Variants in OCM observed in about 807,000 individuals in gnomAD.
OCM encodes oncomodulin-1.
A neutral mutation model predicts 14.1 loss-of-function variants in OCM; 18 were observed. The ratio of observed to expected loss-of-function variants is 1.28; its 90% confidence interval spans 0.88 to 1.89. The LOEUF (loss-of-function observed/expected upper bound fraction) is 1.89. OCM is among the 40% of genes most tolerant of loss of function. OCM has a pLI of 0.00. For missense variants in OCM, 140 were observed against 137.6 expected (o/e 1.02, Z -0.09); for synonymous variants, 48 against 51.0 (o/e 0.94, Z 0.25).
the OCM span, among the ~76,000 whole-genome samples, chr7:5,869,383 A>G: frequency 6.6e-6 from 1 of 152,050 alleles, no homozygotes. Flanking sequence ...GGATCACTTG[A>G]GGTCAGGAGG....
the OCM span, among the ~76,000 whole-genome samples, chr7:5,874,796 G>A: frequency 1.3e-4 from 19 of 151,922 alleles, no homozygotes; most frequent in Non-Finnish European, 1.9e-4. Context: ...GTGCACCGCC[G>A]CACCCAACCC....
chr7:5,878,641 G>A (rs1166847226), upstream of OCM, among the ~76,000 whole-genome samples: 1 of 151,548 alleles, frequency 6.6e-6, no homozygotes, highest in Non-Finnish European at 1.5e-5. Context: ...CAGCTGCTCA[G>A]GAGGCTGAGG....
chr7:5,866,005 G>A, the OCM span, among the ~76,000 whole-genome samples: 1 of 151,996 alleles, frequency 6.6e-6, no homozygotes, highest in Non-Finnish European at 1.5e-5. Flanking sequence ...TTCATGAATA[G>A]CATAGGTATT....
At chr7:5,868,249 C>T in the OCM span, among the ~76,000 whole-genome samples, 3 of 152,014 alleles carry the variant, frequency 2.0e-5, no homozygotes, top group Non-Finnish European at 2.9e-5. Flanking sequence ...TGGGCTCAAG[C>T]GATTCTCCTG....
chr7:5,870,877 G>A, the OCM span, among the ~76,000 whole-genome samples: 275 of 147,548 alleles, frequency 1.9e-3, no homozygotes, highest in South Asian at 4.9e-3. Flanking sequence ...TAAATATCAC[G>A]CTAATTGATG....
At chr7:5,879,482 C>A (rs192384919), upstream of OCM, among the ~76,000 whole-genome samples, 1 of 152,208 alleles carries the variant, frequency 6.6e-6, no homozygotes, top group African/African-American at 2.4e-5. Flanking sequence ...GCCTTACACA[C>A]CCATAGTTCC....
the OCM span, among the ~76,000 whole-genome samples, chr7:5,873,391 T>TTTAA: frequency 6.6e-6 from 1 of 152,114 alleles, no homozygotes; most frequent in Non-Finnish European, 1.5e-5. Flanking sequence ...AAAAATTTTT[T>TTTAA]TTTAATTTAA....
Position 5,886,182 on chromosome 7 carries a change from C to G in OCM, c.*93C>G. 3 of 1,338,786 alleles carry G rather than the reference C, an allele frequency of 2.2e-6. No individual in the cohort carries two copies. The highest frequency in any genetic ancestry group is 3.2e-6 in the Non-Finnish European group (3 of 947,958). The allele number at this position is 1,338,786 out of a possible 1,614,324, so 82.9% of individuals were successfully genotyped here. A position where few individuals can be genotyped will look rare whatever the true frequency, so the allele number is the denominator to read the frequency against. Reference sequence around the variant, plus strand: ...TGGGGAACCCCACATCCCATCCCTACCTAATTTGTTAATTTTCCCTGAAAA... The same window carrying G: ...TGGGGAACCCCACATCCCATCCCTAGCTAATTTGTTAATTTTCCCTGAAAA... On this transcript the variant is annotated 3_prime_UTR_variant, in exon 4 of 4. Coordinates refer to ENST00000242104, the MANE Select transcript of OCM (RefSeq NM_001097622.2).
At chr7:5,874,618 C>T in the OCM span, among the ~76,000 whole-genome samples, 2 of 152,036 alleles carry the variant, frequency 1.3e-5, no homozygotes, top group Non-Finnish European at 1.5e-5. Context: ...GATCCTCCCA[C>T]CTCAGCCTCC....
the OCM span, among the ~76,000 whole-genome samples, chr7:5,863,964 G>A: frequency 6.6e-6 from 1 of 152,080 alleles, no homozygotes; most frequent in Non-Finnish European, 1.5e-5. Flanking sequence ...TAAGGAGAAG[G>A]CAAGGTCATC....
chr7:5,884,955 T>C (rs367671765), intron 3 of OCM, among the ~76,000 whole-genome samples: 72 of 151,884 alleles, frequency 4.7e-4, no homozygotes, highest in African/African-American at 1.7e-3. Context: ...CCCATCTCTA[T>C]TGAAAATATA....
At chr7:5,879,351 G>A (rs145065235), upstream of OCM, among the ~76,000 whole-genome samples, 35 of 152,244 alleles carry the variant, frequency 2.3e-4, 1 homozygote, top group East Asian at 6.4e-3. Flanking sequence ...GCTGGGAAAC[G>A]TCAAAGTCAA....
upstream of OCM, among the ~76,000 whole-genome samples, chr7:5,876,967 G>A (rs1445196005): frequency 2.0e-5 from 3 of 152,080 alleles, no homozygotes; most frequent in Non-Finnish European, 4.4e-5. Context: ...CACCATGCTC[G>A]GCTAATTTTA....
chr7:5,867,120 AGTTT>A, the OCM span, among the ~76,000 whole-genome samples: 3 of 152,112 alleles, frequency 2.0e-5, no homozygotes, highest in African/African-American at 4.8e-5. Flanking sequence ...CATCCACAAT[AGTTT>A]GTTTGTTCAT....
At chr7:5,860,682 G>A in the OCM span, among the ~76,000 whole-genome samples, 3 of 95,404 alleles carry the variant, frequency 3.1e-5, 1 homozygote, top group Non-Finnish European at 5.9e-5. Flanking sequence ...GTATATATAC[G>A]TGTGTATATA....
chr7:5,876,821 T>C (rs78791716), upstream of OCM, among the ~76,000 whole-genome samples: 3 of 151,994 alleles, frequency 2.0e-5, no homozygotes, highest in East Asian at 1.9e-4. Flanking sequence ...TTTTTTTTTT[T>C]TGAGATGGAG....
At chr7:5,884,228 T>C (rs560408813) in intron 3 of OCM, among the ~76,000 whole-genome samples, 2 of 152,252 alleles carry the variant, frequency 1.3e-5, no homozygotes, top group African/African-American at 4.8e-5. Flanking sequence ...CACTGGTCAT[T>C]GTCTATGAGC....
the OCM span, among the ~76,000 whole-genome samples, chr7:5,874,442 C>T: frequency 5.9e-5 from 9 of 151,962 alleles, no homozygotes; most frequent in Non-Finnish European, 1.0e-4. Context: ...CAACATATGT[C>T]AGATGCATAG....
rs1781337742 is a variant in OCM, at chr7:5,886,329, C to G, written c.*240C>G. On this transcript the variant is annotated 3_prime_UTR_variant, in exon 4 of 4. Transcript: ENST00000242104. ...CCCCTTCCCCCAACAGGCAATGCCTCTAAAAATCACCCAATAAAGACAGGC... is the reference window on the plus strand; with the variant it reads ...CCCCTTCCCCCAACAGGCAATGCCTGTAAAAATCACCCAATAAAGACAGGC... 7.6e-6 allele frequency: 4 copies of G among 529,522 alleles called. No individual in the cohort carries two copies. The East Asian group carries it at 9.0e-5, about 12-fold the overall frequency. 32.8% of individuals were successfully genotyped at this position (529,522 alleles called of 1,614,324 possible). A position where few individuals can be genotyped will look rare whatever the true frequency, so the allele number is the denominator to read the frequency against.
Sources: allele counts gnomAD v4.1 joint callset (sites outside exome capture counted in the v4.1 genomes callset), GRCh38; gene constraint gnomAD v4.1.1; transcripts MANE v1.5; gene names NCBI Gene and HGNC (gene_info 2026-07-23, HGNC 2026-07-21).